Variants in HK1 observed in about 807,000 individuals in gnomAD.
The protein encoded by HK1 is hexokinase 1, also known as hexokinase-1.
HK1 carries 28 observed loss-of-function variants against 91.6 expected under a neutral mutation model. That is an observed-to-expected ratio of 0.31 (90% confidence interval 0.23 to 0.42). The LOEUF (loss-of-function observed/expected upper bound fraction) is 0.42. HK1 is among the 10% of genes least tolerant of loss of function. The pLI, the probability that HK1 is intolerant of heterozygous loss-of-function variation, is 1.00. For synonymous variants in HK1, 430 were observed against 468.1 expected (o/e 0.92, Z 1.05); for missense variants, 770 against 1,219.8 (o/e 0.63, Z 5.49).
intron 1 of HK1, among the ~76,000 whole-genome samples, chr10:69,321,587 A>G (rs1348895920): frequency 1.3e-5 from 2 of 152,192 alleles, no homozygotes; most frequent in African/African-American, 2.4e-5. Context: ...AGTAACTCTC[A>G]TCTATCTTCT....
In HK1 at chr10:69,392,204, C is replaced by T; in HGVS notation, c.2115C>T (p.Ile705=). ...MVEGDQGQMC[I]NMEWGAFGDN... The stretch of plus-strand genomic sequence containing the variant: ...AGGGGGACCAGGGGCAGATGTGCAT[C>T]AACATGGAGTGGGGGGCCTTTGGGG... Residue 705 remains isoleucine, a synonymous_variant, in exon 15 of 18, where the codon ATC becomes ATT. Coordinates refer to ENST00000359426, the MANE Select transcript of HK1 (RefSeq NM_000188.3). The T allele has an allele frequency of 6.2e-7, 1 of 1,614,138 alleles. No homozygotes were observed. The highest frequency in any genetic ancestry group is 8.5e-7 in the Non-Finnish European group (1 of 1,180,012).
chr10:69,348,394 G>T (rs576710739), intron 2 of HK1, among the ~76,000 whole-genome samples: 1 of 152,338 alleles, frequency 6.6e-6, no homozygotes, highest in South Asian at 2.1e-4. Flanking sequence ...TATATGGAAG[G>T]ATAGTTGGGT....
chr10:69,373,058 G>A lies in HK1; in HGVS notation c.875+3434G>A, dbSNP rs538543294. ...CTAATTTTGTATTTTTAGTAGAGAT[G>A]GGGTTTCACCATGTTAGCCAGGCTG... On this transcript the variant is annotated intron_variant, in intron 7 of 17. Transcript: ENST00000359426. 3.3e-5 allele frequency among the ~76,000 whole-genome samples: 5 copies of A among 152,226 alleles called. No individual in the cohort carries two copies. The South Asian group carries it at 1.0e-3, about 32-fold the overall frequency.
At chr10:69,377,827 C>T (rs774260318) in intron 8 of HK1, among the ~76,000 whole-genome samples, 9 of 152,226 alleles carry the variant, frequency 5.9e-5, no homozygotes, top group Non-Finnish European at 1.3e-4. Flanking sequence ...AACCTGTTAA[C>T]AGCCAGAAAT....
At chr10:69,290,848 A>G (rs1453638906) in intron 3 of HK1, among the ~76,000 whole-genome samples, 1 of 152,142 alleles carries the variant, frequency 6.6e-6, no homozygotes, top group African/African-American at 2.4e-5. Context: ...CCTAATGCCC[A>G]ACTGGAAGCT....
At chr10:69,308,028 G>A (rs957538806) in intron 5 of HK1, among the ~76,000 whole-genome samples, 2 of 152,092 alleles carry the variant, frequency 1.3e-5, no homozygotes. Flanking sequence ...TAATAGAGAC[G>A]GGGTTTCATC....
intron 10 of HK1, among the ~76,000 whole-genome samples, chr10:69,384,066 T>C (rs1324058556): frequency 6.6e-6 from 1 of 152,206 alleles, no homozygotes; most frequent in Admixed American, 6.5e-5. Context: ...GAGATTTTCA[T>C]TGTTGCAGCC....
intron 1 of HK1, among the ~76,000 whole-genome samples, chr10:69,319,472 T>TGCCCCGGAGAAGCTGTCGCCGGGC (rs1846880195): frequency 6.6e-6 from 1 of 152,172 alleles, no homozygotes; most frequent in Non-Finnish European, 1.5e-5. Context: ...GGGTGTCGGG[T>TGCCCCGGAGAAGCTGTCGCCGGGC]GCCCCGGAGA....
At chr10:69,276,420 A>G (rs914412496) in intron 1 of HK1, among the ~76,000 whole-genome samples, 1 of 151,810 alleles carries the variant, frequency 6.6e-6, no homozygotes, top group Non-Finnish European at 1.5e-5. Context: ...GCACTTTGGG[A>G]GGCCGAGGCG....
In HK1 at chr10:69,386,334, C is replaced by G. The variant is rs1481493279; in HGVS notation, c.1851C>G (p.Ile617Met). Reference protein sequence around the residue: ...QQTSLDAGILITWTKGFKATD... With the variant: ...QQTSLDAGILMTWTKGFKATD... ...TTTTTATGTTGTAGGGAATCTTGAT[C>G]ACGTGGACAAAGGGTTTTAAGGCAA... The change falls in exon 13 of 18, where the codon ATC becomes ATG. Residue 617 changes from isoleucine to methionine, a missense_variant. Around this residue, in one of 7 missense-constraint regions of HK1, gnomAD observed 152 missense variants for 211.1 expected, o/e 0.72. Transcript: ENST00000359426. 5.0e-6 allele frequency: 8 copies of G among 1,613,576 alleles called. No homozygotes were observed. The African/African-American group carries it at 5.3e-5, about 11-fold the overall frequency.
intron 3 of HK1, among the ~76,000 whole-genome samples, chr10:69,360,693 G>A (rs1273099964): frequency 6.6e-6 from 1 of 152,142 alleles, no homozygotes; most frequent in East Asian, 1.9e-4. Context: ...GGCATGCCTA[G>A]GAAGGGCCTG....
At chr10:69,349,904 T>G (rs769132881) in intron 2 of HK1, among the ~76,000 whole-genome samples, 14 of 152,252 alleles carry the variant, frequency 9.2e-5, no homozygotes, top group African/African-American at 1.7e-4. Context: ...TCTAGTTTCC[T>G]ATAACTGGGA....
At chr10:69,283,751 A>G (rs1387528284) in intron 2 of HK1, among the ~76,000 whole-genome samples, 1 of 141,888 alleles carries the variant, frequency 7.0e-6, no homozygotes, top group Non-Finnish European at 1.5e-5. Context: ...CCAAGTTCGC[A>G]CCACCGCACT....
intron 3 of HK1, among the ~76,000 whole-genome samples, chr10:69,290,089 C>T (rs572812601): frequency 1.3e-5 from 2 of 152,212 alleles, no homozygotes; most frequent in African/African-American, 2.4e-5. Context: ...TGTTCCACCC[C>T]GCCCCCCACC....
intron 3 of HK1, among the ~76,000 whole-genome samples, chr10:69,293,118 A>G (rs1845372554): frequency 6.6e-6 from 1 of 152,128 alleles, no homozygotes; most frequent in South Asian, 2.1e-4. Context: ...CCCATTACCA[A>G]GCATTTTTAT....
chr10:69,382,403 A>AG lies in HK1; in HGVS notation c.1266-83dup, dbSNP rs1839433417. The AG allele has an allele frequency of 3.6e-6, 5 of 1,374,512 alleles. No individual in the cohort carries two copies. The South Asian group carries it at 5.8e-5, about 16-fold the overall frequency. The allele number at this position is 1,374,512 out of a possible 1,614,324, so 85.1% of individuals were successfully genotyped here. On this transcript the variant is annotated intron_variant, in intron 9 of 17. Coordinates refer to ENST00000359426, the MANE Select transcript of HK1 (RefSeq NM_000188.3). ...AAAAAGGAAAAGAAAAAAGAGTTAA[A>AG]GAGTGGAGAAAGAAAGGGTGGCCGG...
chr10:69,285,200 C>T (rs377011864), intron 2 of HK1, among the ~76,000 whole-genome samples: 1 of 151,858 alleles, frequency 6.6e-6, no homozygotes, highest in Non-Finnish European at 1.5e-5. Context: ...TTTGGGAGGC[C>T]GAGGTGGGTG....
In HK1 at chr10:69,277,939, A is replaced by G. The variant is rs528222421; in HGVS notation, c.-390-4590A>G. On this transcript the variant is annotated intron_variant, in intron 1 of 21. Transcript: ENST00000360289. ...TCCCAGCTACTCAGGAGGCTGAGGA[A>G]GGAGAATTGCTTGAACCTGGGAGGC... is the stretch of plus-strand genomic sequence containing the variant. Among the ~76,000 whole-genome samples the G allele has an allele frequency of 1.6e-4, 25 of 152,258 alleles. No homozygotes were observed. In the South Asian group the frequency reaches 3.5e-3, roughly 21 times the overall value.
In HK1 at chr10:69,369,515, T is replaced by C. The variant is rs998184593; in HGVS notation, c.766T>C (p.Cys256Arg). Residue 256 changes from cysteine (C) to arginine (R), a missense_variant, in exon 7 of 18, where the codon TGT becomes CGT. Physicochemically the swap from Cys to Arg is radical, Grantham distance 180. Coordinates refer to ENST00000359426, the MANE Select transcript of HK1 (RefSeq NM_000188.3). The surrounding 1 kb of genome is among the most constrained non-coding windows in gnomAD (Gnocchi z 4.4). ...GGTGGAAGGAGACGAGGGGAGGATG[T>C]GTATCAATACAGAATGGGGAGCCTT... ...DLVEGDEGRM[C>R]INTEWGAFGD... The C allele has an allele frequency of 3.1e-6, 5 of 1,614,058 alleles. No homozygotes were observed. The Admixed American group carries it at 5.0e-5, about 16-fold the overall frequency.
Sources: gnomAD v4.1 joint callset for allele counts (sites outside exome capture counted in the v4.1 genomes callset) on GRCh38, gnomAD v4.1.1 for gene constraint, gnomAD v4.1.1 regional missense constraint, Gnocchi (gnomAD v3.1) non-coding constraint, MANE v1.5 for transcripts, NCBI Gene and HGNC (gene_info 2026-07-23, HGNC 2026-07-21) for gene names.